The following TFEC variants were observed in gnomAD, a reference collection of about 807,000 sequenced individuals.
TFEC encodes the protein transcription factor EC, also known as class E basic helix-loop-helix protein 34.
In TFEC, 31 loss-of-function variants were observed where a neutral mutation model predicts 41.6. The ratio of observed to expected loss-of-function variants is 0.74; its 90% CI spans 0.56 to 1.01. The LOEUF (loss-of-function observed/expected upper bound fraction) is 1.01. Among genes scored for constraint, TFEC ranks in the 50% least tolerant of loss-of-function variants. The probability of loss-of-function intolerance (pLI) is 0.00; values close to 1 mark genes in which losing one functional copy is unlikely to be tolerated. For missense variants in TFEC, 402 were observed against 404.1 expected (o/e 0.99, Z 0.04); for synonymous variants, 143 against 140.6 (o/e 1.02, Z -0.12).
intron 1 of TFEC, among the ~76,000 whole-genome samples, chr7:116,026,581 T>G (rs1469772387): frequency 6.6e-6 from 1 of 152,304 alleles, no homozygotes; most frequent in East Asian, 1.9e-4. Flanking sequence ...ATTCTCTTCC[T>G]TCTCCAGAAA....
intron 6 of TFEC, among the ~76,000 whole-genome samples, chr7:115,949,574 A>T (rs1021235182): frequency 6.6e-6 from 1 of 152,162 alleles, no homozygotes; most frequent in African/African-American, 2.4e-5. Flanking sequence ...ATCTTTGACA[A>T]ACCTGAGAAA....
At chr7:115,968,536 T>G (rs771235378) in intron 3 of TFEC, among the ~76,000 whole-genome samples, 1 of 151,818 alleles carries the variant, frequency 6.6e-6, no homozygotes, top group Non-Finnish European at 1.5e-5. Context: ...AAAAAATACC[T>G]ATATATGTTA....
Position 115,984,288 on chromosome 7 carries a change from T to G in TFEC, c.154A>C (p.Lys52Gln), listed in dbSNP as rs757901069. The change falls in exon 2 of 8, where the codon AAA becomes CAA. Residue 52 changes from lysine (K) to glutamine (Q), a missense_variant. Coordinates refer to ENST00000265440, the MANE Select transcript of TFEC (RefSeq NM_012252.4). ...TGCCATTGTGCATTGTCATCTTCTT[T>G]CCCAATAGCTAGTAACTTGGTGAGT... ...NPLTKLLAIGKEDDNAQWHME... is the reference protein window; with the variant it reads ...NPLTKLLAIGQEDDNAQWHME... The G allele has an allele frequency of 6.2e-7, 1 of 1,614,118 alleles. No homozygotes were observed. Among genetic ancestry groups the G allele is most frequent in the Admixed American group, 1.7e-5 (1 of 60,022 alleles).
chr7:115,951,005 T>A (rs1791909630), intron 5 of TFEC, 56 bp from the exon 6 acceptor site: 1 of 1,133,996 alleles, frequency 8.8e-7, no homozygotes, highest in South Asian at 1.7e-5. Flanking sequence ...TCACTTTTGG[T>A]CAGCTGTAAA....
At chr7:116,054,891 A>T (rs776250874) in intron 3 of TFEC, among the ~76,000 whole-genome samples, 1 of 152,150 alleles carries the variant, frequency 6.6e-6, no homozygotes, top group Non-Finnish European at 1.5e-5. Flanking sequence ...AGAGCAATGA[A>T]TAAGTTTTAC....
intron 2 of TFEC, among the ~76,000 whole-genome samples, chr7:115,980,439 T>G (rs1793574767): frequency 6.6e-6 from 1 of 152,132 alleles, no homozygotes. Context: ...TCATGGGAGT[T>G]GCCCTGTTTT....
At chr7:116,134,917 G>A (rs1376188562) in intron 1 of TFEC, among the ~76,000 whole-genome samples, 1 of 152,074 alleles carries the variant, frequency 6.6e-6, no homozygotes, top group Non-Finnish European at 1.5e-5. Context: ...GCTCAAATAC[G>A]TTGCACATTT....
At chr7:116,021,599 T>A (rs1795397853) in intron 1 of TFEC, among the ~76,000 whole-genome samples, 1 of 152,184 alleles carries the variant, frequency 6.6e-6, no homozygotes, top group Non-Finnish European at 1.5e-5. Context: ...TCAAATACAG[T>A]TATTTAAAGT....
intron 3 of TFEC, among the ~76,000 whole-genome samples, chr7:116,092,049 A>C (rs1035689804): frequency 2.0e-5 from 3 of 152,136 alleles, no homozygotes; most frequent in African/African-American, 7.2e-5. Context: ...TTTTAATGGA[A>C]ACACTGTCCG....
intron 6 of TFEC, 86 bp downstream of exon 6, chr7:115,950,788 T>C: frequency 6.9e-6 from 7 of 1,019,562 alleles, no homozygotes; most frequent in Middle Eastern, 2.8e-4. Flanking sequence ...TTCCTAGTCA[T>C]TGGTTCTCTC....
At chr7:116,010,730 C>A (rs1008874153) in intron 1 of TFEC, among the ~76,000 whole-genome samples, 2 of 152,132 alleles carry the variant, frequency 1.3e-5, no homozygotes, top group African/African-American at 4.8e-5. Context: ...ATAGGAAAAT[C>A]TATTCTGATA....
intron 6 of TFEC, among the ~76,000 whole-genome samples, chr7:115,947,134 T>C (rs941183379): frequency 7.2e-6 from 1 of 138,330 alleles, no homozygotes; most frequent in Non-Finnish European, 1.5e-5. Flanking sequence ...TGTGCTCCCA[T>C]TGTTCAATTC....
At chr7:115,941,848 G>T (rs992062461) in intron 7 of TFEC, 45 bp downstream of exon 7, 2 of 1,584,726 alleles carry the variant, frequency 1.3e-6, no homozygotes, top group African/African-American at 2.7e-5. Context: ...TGACAGCTGA[G>T]TCATGTGTAA....
At chr7:116,157,718 T>A (rs1259638493) in intron 1 of TFEC, among the ~76,000 whole-genome samples, 1 of 152,170 alleles carries the variant, frequency 6.6e-6, no homozygotes, top group Admixed American at 6.6e-5. Flanking sequence ...TTCTAACTGT[T>A]GCCTTCCCTT....
At position 115,940,135 on chromosome 7, in the gene TFEC, G is replaced by C. The variant is rs528157348; in HGVS notation, c.*416C>G. On this transcript the variant is annotated 3_prime_UTR_variant, in exon 8 of 8. Coordinates refer to ENST00000265440, the MANE Select transcript of TFEC (RefSeq NM_012252.4). ...TGATATGTTGATCTTGATTCCGGAA[G>C]ACTGATGTGAAAGTTGAAGAGAAGA... 6.4e-6 allele frequency: 1 copy of C among 155,312 alleles called. No individual in the cohort carries two copies. Among genetic ancestry groups the C allele is most frequent in the Non-Finnish European group, 1.4e-5 (1 of 70,220 alleles). 9.6% of individuals were successfully genotyped at this position (155,312 alleles called of 1,614,324 possible). A position where few individuals can be genotyped will look rare whatever the true frequency, so the allele number is the denominator to read the frequency against.
At position 116,038,059 on chromosome 7, in the gene TFEC, A is replaced by T. The variant is rs573365082; in HGVS notation, c.199-53546T>A. 7.2e-5 allele frequency among the ~76,000 whole-genome samples: 11 copies of T among 152,120 alleles called. No individual in the cohort carries two copies. The South Asian group carries it at 2.3e-3, about 32-fold the overall frequency. On this transcript the variant is annotated intron_variant, in intron 3 of 8. Transcript: ENST00000484212. ...TCATTGCTCTTTGAGAAATGGGTAAAATCAATCAAAAGAATCATATGACTT... is the reference window on the plus strand; with the variant it reads ...TCATTGCTCTTTGAGAAATGGGTAATATCAATCAAAAGAATCATATGACTT...
At chr7:116,045,273 C>T (rs1048560851) in intron 3 of TFEC, among the ~76,000 whole-genome samples, 1 of 152,200 alleles carries the variant, frequency 6.6e-6, no homozygotes, top group Non-Finnish European at 1.5e-5. Flanking sequence ...GCAAAGGTGA[C>T]TCTTGTTATA....
intron 3 of TFEC, among the ~76,000 whole-genome samples, chr7:116,086,674 A>T (rs1797210749): frequency 6.6e-6 from 1 of 151,750 alleles, no homozygotes; most frequent in Admixed American, 6.6e-5. Flanking sequence ...TTGGAGTTGG[A>T]TCTTACCTCC....
intron 5 of TFEC, among the ~76,000 whole-genome samples, chr7:115,953,911 C>G (rs1046586312): frequency 8.5e-5 from 13 of 152,070 alleles, no homozygotes; most frequent in Admixed American, 6.6e-4. Flanking sequence ...TCATTCTACT[C>G]TGTTCTCAGT....
Sources: allele counts gnomAD v4.1 joint callset (sites outside exome capture counted in the v4.1 genomes callset), GRCh38; gene constraint gnomAD v4.1.1; transcripts MANE v1.5; gene names NCBI Gene and HGNC (gene_info 2026-07-23, HGNC 2026-07-21).